Variants in YWHAQ observed in about 807,000 individuals in gnomAD.
YWHAQ encodes the protein 14-3-3 protein theta.
Under a neutral mutation model 28.3 loss-of-function variants are expected in YWHAQ, and 6 were observed. That is an observed-to-expected ratio of 0.21 (90% CI 0.12 to 0.42). The LOEUF is 0.42. YWHAQ is among the 10% of genes least tolerant of loss of function. The probability of loss-of-function intolerance (pLI) is 1.00; values close to 1 mark genes in which losing one functional copy is unlikely to be tolerated. For missense variants in YWHAQ, 201 were observed against 305.6 expected (o/e 0.66, Z 2.55); for synonymous variants, 143 against 119.1 (o/e 1.20, Z -1.31).
At chr2:9,628,960 G>A (rs1007273022) in intron 2 of YWHAQ, 7 of 146,740 alleles carry the variant, frequency 4.8e-5, no homozygotes, top group Non-Finnish European at 8.9e-5. Flanking sequence ...TAGAAAAATA[G>A]ATAGGTTAAA....
chr2:9,607,429 G>A (rs1403654368), intron 2 of YWHAQ, among the ~76,000 whole-genome samples: 4 of 148,768 alleles, frequency 2.7e-5, no homozygotes, highest in Non-Finnish European at 5.9e-5. Context: ...GGCTAATCTC[G>A]AACTCCTGAC....
intron 3 of YWHAQ, among the ~76,000 whole-genome samples, chr2:9,589,593 A>C (rs1666417508): frequency 1.3e-5 from 2 of 152,154 alleles, no homozygotes; most frequent in African/African-American, 2.4e-5. Context: ...AAAATTAATA[A>C]TAATAATAAT....
chr2:9,621,887 G>T (rs914357927), intron 2 of YWHAQ, among the ~76,000 whole-genome samples: 7 of 152,086 alleles, frequency 4.6e-5, no homozygotes, highest in African/African-American at 1.4e-4. Context: ...TCCTTTGCAA[G>T]GACATAGATG....
chr2:9,621,483 C>T (rs1259366322), intron 2 of YWHAQ, among the ~76,000 whole-genome samples: 1 of 152,164 alleles, frequency 6.6e-6, no homozygotes, highest in Non-Finnish European at 1.5e-5. Flanking sequence ...TGAACACCCC[C>T]ACATATCCAC....
In YWHAQ at chr2:9,602,310, C is replaced by T. The variant is rs143393112; in HGVS notation, c.295-10795G>A. ...GGCATGGTGCCTCATGCCTGTAAGT[C>T]CCAGCTACTTAGGAGGGTTGTTTGT... On this transcript the variant is annotated intron_variant, in intron 2 of 5. Transcript: ENST00000238081. 7.4e-3 allele frequency among the ~76,000 whole-genome samples: 1,118 copies of T among 152,092 alleles called. 11 individuals carry two copies. Among genetic ancestry groups the T allele is most frequent in the Non-Finnish European group, 9.6e-3 (651 of 67,984 alleles).
intron 2 of YWHAQ, among the ~76,000 whole-genome samples, chr2:9,619,384 G>C (rs1667095667): frequency 6.6e-6 from 1 of 152,160 alleles, no homozygotes; most frequent in Non-Finnish European, 1.5e-5. Context: ...AAAACAGCAA[G>C]AAATAAGGCA....
chr2:9,610,657 C>T lies in YWHAQ; in HGVS notation c.295-19142G>A, dbSNP rs574648587. On this transcript the variant is annotated intron_variant, in intron 2 of 5. Coordinates refer to ENST00000238081, the MANE Select transcript of YWHAQ (RefSeq NM_006826.4). The stretch of plus-strand genomic sequence containing the variant: ...CCAAGTAGCTGGGATTACAGGCATG[C>T]GCCACCATGCCCGGCTAATTTTGTA... 2.0e-3 allele frequency among the ~76,000 whole-genome samples: 301 copies of T among 152,124 alleles called. 4 individuals are homozygous for T. Among genetic ancestry groups the T allele is most frequent in the African/African-American group, 6.8e-3 (283 of 41,482 alleles).
chr2:9,618,745 C>T (rs1415160456), intron 2 of YWHAQ, among the ~76,000 whole-genome samples: 1 of 150,732 alleles, frequency 6.6e-6, no homozygotes, highest in African/African-American at 2.4e-5. Flanking sequence ...AATTCCTGGA[C>T]TCAAGCAATC....
intron 4 of YWHAQ, 143 bp from the exon 5 acceptor site, chr2:9,587,652 C>A (rs1176523236): frequency 1.1e-5 from 7 of 636,456 alleles, no homozygotes; most frequent in Admixed American, 6.4e-5. Context: ...TTCTCTCACA[C>A]TCCCAGTTTA....
At chr2:9,586,006 T>A (rs1352580623) in intron 5 of YWHAQ, among the ~76,000 whole-genome samples, 1 of 151,956 alleles carries the variant, frequency 6.6e-6, no homozygotes, top group Non-Finnish European at 1.5e-5. Context: ...AGCCCAATGC[T>A]CTTCTTGAAA....
At chr2:9,615,202 G>A (rs1284046124) in intron 2 of YWHAQ, 3 of 151,906 alleles carry the variant, frequency 2.0e-5, no homozygotes, top group Non-Finnish European at 4.4e-5. Context: ...TACCAAACTT[G>A]GTGAAAAAGA....
chr2:9,615,870 C>A (rs1199512993), intron 2 of YWHAQ, among the ~76,000 whole-genome samples: 3 of 152,146 alleles, frequency 2.0e-5, no homozygotes, highest in Non-Finnish European at 4.4e-5. Flanking sequence ...AGCTGTGGAA[C>A]TGAGTAAATT....
chr2:9,612,397 A>C (rs1028695181), intron 2 of YWHAQ, among the ~76,000 whole-genome samples: 2 of 152,370 alleles, frequency 1.3e-5, no homozygotes, highest in African/African-American at 4.8e-5. Context: ...GTCCTGCAGA[A>C]TCAGACCCTA....
intron 2 of YWHAQ, among the ~76,000 whole-genome samples, chr2:9,613,114 T>C (rs1666982421): frequency 6.6e-6 from 1 of 152,204 alleles, no homozygotes; most frequent in South Asian, 2.1e-4. Flanking sequence ...TACCTCTTCC[T>C]TATCCTGATA....
chr2:9,611,218 G>A (rs1028468724), intron 2 of YWHAQ, among the ~76,000 whole-genome samples: 1 of 152,188 alleles, frequency 6.6e-6, no homozygotes, highest in Non-Finnish European at 1.5e-5. Flanking sequence ...CTGTGGAGAC[G>A]ATGGTCATTC....
In YWHAQ at chr2:9,630,478, C is replaced by CCGGGGT; in HGVS notation, c.-27_-26insACCCCG. 1 of 1,567,020 alleles carries CCGGGGT rather than the reference C, an allele frequency of 6.4e-7. No individual in the cohort carries two copies. Among genetic ancestry groups the CCGGGGT allele is most frequent in the Non-Finnish European group, 8.6e-7 (1 of 1,160,556 alleles). On this transcript the variant is annotated 5_prime_UTR_variant, in exon 2 of 6. Transcript: ENST00000238081. This position sits in a 1 kb window ranked among gnomAD's most constrained non-coding sequence, Gnocchi z 5.6. ...GGCGGGCGCGGGGCCGGGGCCGGGG[C>CCGGGGT]GGAGGGCGAGGAGAGCGAGGGCGAG...
chr2:9,585,753 A>G (rs977330912), intron 5 of YWHAQ, among the ~76,000 whole-genome samples: 1 of 152,052 alleles, frequency 6.6e-6, no homozygotes, highest in Non-Finnish European at 1.5e-5. Context: ...AAAAATTTCA[A>G]AAACAAAATT....
intron 2 of YWHAQ, among the ~76,000 whole-genome samples, chr2:9,625,994 T>A (rs2125074988): frequency 8.1e-6 from 1 of 123,638 alleles, no homozygotes; most frequent in East Asian, 2.0e-4. Context: ...ATGAGCAGCG[T>A]AAGACATTTT....
intron 2 of YWHAQ, among the ~76,000 whole-genome samples, chr2:9,604,324 G>A (rs957069946): frequency 1.3e-5 from 2 of 152,162 alleles, no homozygotes; most frequent in African/African-American, 4.8e-5. Flanking sequence ...GAAAGTCACT[G>A]AAGGTGACTT....
Sources: allele counts gnomAD v4.1 joint callset (sites outside exome capture counted in the v4.1 genomes callset), GRCh38; gene constraint gnomAD v4.1.1; non-coding constraint Gnocchi (gnomAD v3.1); transcripts MANE v1.5; gene names NCBI Gene and HGNC (gene_info 2026-07-23, HGNC 2026-07-21).